The following SLC13A1 variants were observed in gnomAD, a reference collection of about 807,000 sequenced individuals.
SLC13A1 encodes the protein Na(+)/sulfate cotransporter.
Under a neutral mutation model 70.0 loss-of-function variants are expected in SLC13A1, and 65 were observed. The ratio of observed to expected loss-of-function variants is 0.93; its 90% CI spans 0.76 to 1.14. SLC13A1 has a LOEUF of 1.14. Ranked by LOEUF, SLC13A1 falls within the 50% of genes most tolerant of loss-of-function variation. The pLI, the probability that SLC13A1 is intolerant of heterozygous loss-of-function variation, is 0.00. For missense variants in SLC13A1, 726 were observed against 717.8 expected, an observed-to-expected ratio of 1.01 and a Z score of -0.13; for synonymous variants, 275 against 250.5, an observed-to-expected ratio of 1.10 and a Z score of -0.92.
chr7:123,174,894 G>A (rs1426065611), intron 2 of SLC13A1, among the ~76,000 whole-genome samples: 4 of 151,714 alleles, frequency 2.6e-5, no homozygotes, highest in Non-Finnish European at 4.4e-5. Context: ...GCTTGTCTTG[G>A]ATACTTCTAG....
At chr7:123,142,660 G>GAGTCTTCCTCTATTGCCC (rs140530822) in intron 7 of SLC13A1, among the ~76,000 whole-genome samples, 4 of 132,690 alleles carry the variant, frequency 3.0e-5, no homozygotes, top group Non-Finnish European at 6.3e-5. Flanking sequence ...TTTTTTGATG[G>GAGTCTTCCTCTATTGCCC]AGGCTGGAGT....
intron 1 of SLC13A1, among the ~76,000 whole-genome samples, chr7:123,196,031 A>G (rs561206287): frequency 9.3e-4 from 141 of 152,244 alleles, no homozygotes; most frequent in Admixed American, 1.6e-3. Flanking sequence ...AGGAAATAGT[A>G]TTGACTGCTG....
At chr7:123,159,658 C>A (rs188951083) in intron 6 of SLC13A1, among the ~76,000 whole-genome samples, 2 of 152,088 alleles carry the variant, frequency 1.3e-5, no homozygotes, top group Admixed American at 1.3e-4. Context: ...ATAGAATAGA[C>A]CACCCATACA....
At chr7:123,164,263 C>T (rs1290982971) in intron 6 of SLC13A1, among the ~76,000 whole-genome samples, 2 of 151,472 alleles carry the variant, frequency 1.3e-5, no homozygotes, top group East Asian at 1.9e-4. Flanking sequence ...TATTTGGGGG[C>T]CATTATTATT....
At chr7:123,128,072 A>G (rs901043050) in intron 10 of SLC13A1, among the ~76,000 whole-genome samples, 24 of 151,992 alleles carry the variant, frequency 1.6e-4, no homozygotes, top group Middle Eastern at 6.8e-3. Flanking sequence ...GGTATATAAG[A>G]CACTGAGATA....
intron 7 of SLC13A1, among the ~76,000 whole-genome samples, chr7:123,139,638 A>G (rs1176966548): frequency 6.6e-6 from 1 of 152,002 alleles, no homozygotes. Context: ...TTCTTTCATT[A>G]AGTTAATTCT....
chr7:123,197,840 A>G (rs1343022716), intron 1 of SLC13A1, among the ~76,000 whole-genome samples: 1 of 152,154 alleles, frequency 6.6e-6, no homozygotes, highest in Non-Finnish European at 1.5e-5. Flanking sequence ...TGAATCATGT[A>G]CTAAAATGAT....
rs561435196 is a variant in SLC13A1, at chr7:123,198,028, G to A, written c.99+1820C>T. ...TAATTTCCTACTTTCTCTGCCATAA[G>A]TAAGAATGTATGCTGAGACTAACTC... On this transcript the variant is annotated intron_variant, in intron 1 of 14. Coordinates refer to ENST00000194130, the MANE Select transcript of SLC13A1 (RefSeq NM_022444.4). 7.2e-5 allele frequency among the ~76,000 whole-genome samples: 11 copies of A among 152,176 alleles called. No individual in the cohort carries two copies. The South Asian group carries it at 1.2e-3, about 17-fold the overall frequency.
intron 1 of SLC13A1, among the ~76,000 whole-genome samples, chr7:123,186,964 AAAGAG>A (rs1363915013): frequency 1.3e-5 from 2 of 151,978 alleles, no homozygotes; most frequent in African/African-American, 2.4e-5. Context: ...CAAAATAAAG[AAAGAG>A]AAAAGAGGGG....
In SLC13A1 at chr7:123,128,239, CCAAA is replaced by C. The variant is rs142738206; in HGVS notation, c.1133+602_1133+605del. 6.1e-3 allele frequency among the ~76,000 whole-genome samples: 927 copies of C among 152,058 alleles called. 25 individuals are homozygous for C. In the East Asian group the frequency reaches 0.074, roughly 12 times the overall value. On this transcript the variant is annotated intron_variant, in intron 10 of 14. Coordinates refer to ENST00000194130, the MANE Select transcript of SLC13A1 (RefSeq NM_022444.4). Reference sequence around the variant, plus strand: ...TGAAGAAAAAAGACAAGATACTACACCAAACAAATAGTCCTCCATAGAATTAAAA... The same window carrying C: ...TGAAGAAAAAAGACAAGATACTACACCAAATAGTCCTCCATAGAATTAAAA...
chr7:123,181,127 AG>A, intron 1 of SLC13A1, 26 bp from the exon 2 acceptor site: 1 of 1,604,730 alleles, frequency 6.2e-7, no homozygotes, highest in Non-Finnish European at 8.5e-7. Context: ...GCAAAGCAAA[AG>A]GTGATATTAT....
intron 10 of SLC13A1, among the ~76,000 whole-genome samples, chr7:123,126,033 G>T (rs1162840472): frequency 6.6e-6 from 1 of 152,134 alleles, no homozygotes; most frequent in Non-Finnish European, 1.5e-5. Context: ...TATTGATCAA[G>T]ATTTGAAGTT....
chr7:123,152,202 T>C (rs1304327528), intron 6 of SLC13A1, among the ~76,000 whole-genome samples: 1 of 152,086 alleles, frequency 6.6e-6, no homozygotes, highest in Admixed American at 6.6e-5. Context: ...CATAAAAGGA[T>C]TGTTACAGTA....
At chr7:123,179,966 A>G (rs1370597864) in intron 2 of SLC13A1, among the ~76,000 whole-genome samples, 2 of 152,154 alleles carry the variant, frequency 1.3e-5, no homozygotes, top group Non-Finnish European at 2.9e-5. Context: ...AAGAAGCTTA[A>G]TAGATTATAG....
intron 11 of SLC13A1, among the ~76,000 whole-genome samples, chr7:123,125,347 A>G (rs1793522214): frequency 6.6e-6 from 1 of 152,266 alleles, no homozygotes; most frequent in East Asian, 1.9e-4. Context: ...ATGATACAAA[A>G]GGAAATCTAC....
intron 6 of SLC13A1, among the ~76,000 whole-genome samples, chr7:123,160,873 A>G (rs1794871552): frequency 6.6e-6 from 1 of 152,160 alleles, no homozygotes; most frequent in Non-Finnish European, 1.5e-5. Context: ...ATCAGAAAAC[A>G]CAAAACTGAA....
At chr7:123,154,297 C>T (rs1794647493) in intron 6 of SLC13A1, among the ~76,000 whole-genome samples, 2 of 152,096 alleles carry the variant, frequency 1.3e-5, no homozygotes, top group South Asian at 4.1e-4. Flanking sequence ...TTCTGTCTAC[C>T]ATACATGTGG....
chr7:123,115,805 G>A, intron 14 of SLC13A1, 150 bp from the exon 15 acceptor site: 1 of 783,164 alleles, frequency 1.3e-6, no homozygotes, highest in South Asian at 1.9e-5. Context: ...TAAGTTCTAG[G>A]GTACATGTGC....
At chr7:123,182,153 T>C (rs1451432781) in intron 1 of SLC13A1, among the ~76,000 whole-genome samples, 5 of 152,184 alleles carry the variant, frequency 3.3e-5, no homozygotes, top group Admixed American at 6.5e-5. Flanking sequence ...AGTCTGCTTC[T>C]ACCATCTTGA....
Sources: allele counts gnomAD v4.1 joint callset (sites outside exome capture counted in the v4.1 genomes callset), GRCh38; gene constraint gnomAD v4.1.1; transcripts MANE v1.5; gene names NCBI Gene and HGNC (gene_info 2026-07-23, HGNC 2026-07-21).